NOS1AP: variants seen among roughly 807,000 people sequenced by gnomAD.
NOS1AP encodes nitric oxide synthase 1 adaptor protein.
NOS1AP carries 21 observed loss-of-function variants against 56.2 expected under a neutral mutation model. The observed-to-expected ratio is 0.37, with a 90% CI of 0.26 to 0.54. The LOEUF (loss-of-function observed/expected upper bound fraction) is 0.54, where lower values mean the gene tolerates loss of function less well. NOS1AP is among the 20% of genes least tolerant of loss of function. NOS1AP has a pLI of 0.84. For missense variants in NOS1AP, 522 were observed against 657.8 expected (o/e 0.79, Z 2.26); for synonymous variants, 270 against 274.6 (o/e 0.98, Z 0.17).
At chr1:162,077,644 C>G (rs558434003) in intron 1 of NOS1AP, among the ~76,000 whole-genome samples, 1 of 151,958 alleles carries the variant, frequency 6.6e-6, no homozygotes, top group Non-Finnish European at 1.5e-5. Flanking sequence ...CATCTGCCTT[C>G]CATGTCCTGT....
intron 3 of NOS1AP, among the ~76,000 whole-genome samples, chr1:162,297,448 A>G (rs1655501773): frequency 6.6e-6 from 1 of 152,282 alleles, no homozygotes; most frequent in Admixed American, 6.5e-5. Context: ...GACCGTGGTC[A>G]GTTGGCTTTC....
At chr1:162,085,027 A>C (rs574267904) in intron 1 of NOS1AP, among the ~76,000 whole-genome samples, 2 of 151,996 alleles carry the variant, frequency 1.3e-5, no homozygotes, top group Admixed American at 6.6e-5. Context: ...TTTTATTGTC[A>C]TACTGTGCTG....
intron 2 of NOS1AP, among the ~76,000 whole-genome samples, chr1:162,194,624 A>G (rs56189711): frequency 6.6e-6 from 1 of 152,270 alleles, no homozygotes; most frequent in African/African-American, 2.4e-5. Flanking sequence ...CTCACAGATG[A>G]TCAAAAGGAG....
rs1276786961 is a variant in NOS1AP, at chr1:162,330,885, C to T, written c.345-2132C>T. On this transcript the variant is annotated intron_variant, in intron 4 of 9. Transcript: ENST00000361897. Reference sequence around the variant, plus strand: ...AGGGAGCGAGTCTGCAAGGAACTTGCTCCTGAGTGATGGCTATTGGGGAAC... The same window carrying T: ...AGGGAGCGAGTCTGCAAGGAACTTGTTCCTGAGTGATGGCTATTGGGGAAC... 2.0e-5 allele frequency among the ~76,000 whole-genome samples: 3 copies of T among 152,120 alleles called. No individual in the cohort carries two copies. In the East Asian group the frequency reaches 5.8e-4, roughly 29 times the overall value.
chr1:162,199,640 GTCTGTGTGTA>G (rs763180753), intron 2 of NOS1AP, among the ~76,000 whole-genome samples: 3,965 of 140,678 alleles, frequency 0.028, 69 homozygotes, highest in Middle Eastern at 0.044. Flanking sequence ...GTGTGTGTGT[GTCTGTGTGTA>G]AATTCTTGCA....
chr1:162,165,570 TG>T (rs1345571711), intron 2 of NOS1AP, among the ~76,000 whole-genome samples: 1 of 152,184 alleles, frequency 6.6e-6, no homozygotes, highest in Non-Finnish European at 1.5e-5. Context: ...AGGTGGTAAG[TG>T]GGGAATCTAG....
At chr1:162,134,530 G>A (rs1469002898) in intron 1 of NOS1AP, among the ~76,000 whole-genome samples, 2 of 150,950 alleles carry the variant, frequency 1.3e-5, no homozygotes, top group Admixed American at 6.6e-5. Context: ...CTGTAAATGG[G>A]GGAGGAGAGG....
chr1:162,224,531 A>G (rs1002517277), intron 2 of NOS1AP, among the ~76,000 whole-genome samples: 2 of 152,170 alleles, frequency 1.3e-5, no homozygotes, highest in Non-Finnish European at 2.9e-5. Flanking sequence ...GTCAGGAGAA[A>G]GGTCACATAG....
chr1:162,343,298 G>T (rs1442828026), intron 5 of NOS1AP, among the ~76,000 whole-genome samples: 1 of 152,196 alleles, frequency 6.6e-6, no homozygotes, highest in Non-Finnish European at 1.5e-5. Context: ...CTGGGAAAGT[G>T]TCACCTTAGA....
At chr1:162,264,467 TCCCCTCCCCTCCC>T (rs1557855344) in intron 2 of NOS1AP, among the ~76,000 whole-genome samples, 17 of 37,222 alleles carry the variant, frequency 4.6e-4, no homozygotes, top group South Asian at 1.7e-3. Flanking sequence ...TCTCTTCTCC[TCCCCTCCCCTCCC>T]CTCCCCTCTC....
rs979674579 is a variant in NOS1AP, at chr1:162,257,827, C to T, written c.178-29517C>T. Among the ~76,000 whole-genome samples, 5 of 152,082 alleles carry T rather than the reference C, an allele frequency of 3.3e-5. No homozygotes were observed. The East Asian group carries it at 9.6e-4, about 29-fold the overall frequency. On this transcript the variant is annotated intron_variant, in intron 2 of 9. Coordinates refer to ENST00000361897, the MANE Select transcript of NOS1AP (RefSeq NM_014697.3). ...GTACTATGGGCCACAGTGAGTGTAA[C>T]CCAAAGTTCCTGGACCTGGCTTAGC... is the stretch of plus-strand genomic sequence containing the variant.
intron 2 of NOS1AP, among the ~76,000 whole-genome samples, chr1:162,194,530 A>G (rs1419892728): frequency 1.3e-5 from 2 of 152,192 alleles, no homozygotes; most frequent in Non-Finnish European, 2.9e-5. Context: ...TGTCTGTGCA[A>G]AAGTTTCCTG....
At chr1:162,211,003 C>T (rs1652331844) in intron 2 of NOS1AP, among the ~76,000 whole-genome samples, 1 of 152,228 alleles carries the variant, frequency 6.6e-6, no homozygotes, top group African/African-American at 2.4e-5. Context: ...AAGTTGGTCT[C>T]TTGCTACTCT....
chr1:162,289,469 C>CTTTTTTTTT (rs60010458), intron 3 of NOS1AP, among the ~76,000 whole-genome samples: 3 of 85,450 alleles, frequency 3.5e-5, no homozygotes, highest in African/African-American at 1.5e-4. Flanking sequence ...AGCTACTTTT[C>CTTTTTTTTT]TTTTTTTTTT....
At chr1:162,134,207 T>A (rs891374917) in intron 1 of NOS1AP, among the ~76,000 whole-genome samples, 7 of 151,968 alleles carry the variant, frequency 4.6e-5, no homozygotes, top group African/African-American at 1.7e-4. Context: ...AAAGCAAAAC[T>A]GGGCTGGGCG....
At chr1:162,271,970 C>T (rs1013039023) in intron 2 of NOS1AP, among the ~76,000 whole-genome samples, 3 of 152,130 alleles carry the variant, frequency 2.0e-5, no homozygotes, top group Non-Finnish European at 4.4e-5. Flanking sequence ...GACTTGAACT[C>T]CTGGGCTTGA....
intron 2 of NOS1AP, among the ~76,000 whole-genome samples, chr1:162,279,519 C>T (rs143264477): frequency 5.3e-5 from 8 of 152,352 alleles, no homozygotes; most frequent in African/African-American, 7.2e-5. Flanking sequence ...CAAACAGCAA[C>T]GAGCTTGAAT....
chr1:162,360,190 A>G (rs1657855294), intron 8 of NOS1AP, among the ~76,000 whole-genome samples: 1 of 152,224 alleles, frequency 6.6e-6, no homozygotes, highest in Non-Finnish European at 1.5e-5. Flanking sequence ...CCTTAAAGGT[A>G]TATGGGCAAA....
intron 2 of NOS1AP, among the ~76,000 whole-genome samples, chr1:162,176,957 A>G (rs1026402757): frequency 6.6e-6 from 1 of 152,186 alleles, no homozygotes; most frequent in African/African-American, 2.4e-5. Flanking sequence ...TAAGCTTTCA[A>G]ATTAATTGGA....
Sources: allele counts gnomAD v4.1 joint callset (sites outside exome capture counted in the v4.1 genomes callset), GRCh38; gene constraint gnomAD v4.1.1; transcripts MANE v1.5; gene names NCBI Gene and HGNC (gene_info 2026-07-23, HGNC 2026-07-21).